Variants in ANO3 observed in about 807,000 individuals in gnomAD.
ANO3 encodes the protein anoctamin-3.
In ANO3, 99 loss-of-function variants were observed where a neutral mutation model predicts 144.8. The observed-to-expected ratio is 0.68, with a 90% CI of 0.58 to 0.81. The LOEUF is 0.81. Among genes scored for constraint, ANO3 ranks in the 30% least tolerant of loss-of-function variants. The pLI is 0.00. For synonymous variants in ANO3, 414 were observed against 392.6 expected (o/e 1.05, Z -0.64); for missense variants, 905 against 1,202.2 (o/e 0.75, Z 3.66).
intron 1 of ANO3, among the ~76,000 whole-genome samples, chr11:26,371,885 A>G (rs991349203): frequency 3.3e-5 from 5 of 152,150 alleles, no homozygotes; most frequent in Admixed American, 1.3e-4. Flanking sequence ...GCAGACTCAT[A>G]GGTGGAAGGG....
At chr11:26,477,096 A>G (rs979773548) in intron 4 of ANO3, among the ~76,000 whole-genome samples, 14 of 152,152 alleles carry the variant, frequency 9.2e-5, no homozygotes, top group Admixed American at 2.6e-4. Flanking sequence ...TGAATTTTCA[A>G]TTGATTCATT....
chr11:26,332,837 T>C (rs1172098986), intron 1 of ANO3, among the ~76,000 whole-genome samples: 1 of 152,134 alleles, frequency 6.6e-6, no homozygotes. Context: ...AATTTATTGT[T>C]TGCCCATGTC....
intron 11 of ANO3, among the ~76,000 whole-genome samples, chr11:26,544,302 G>A (rs380520): frequency 0.73 from 77,911 of 106,852 alleles, 28,317 homozygotes; most frequent in East Asian, 0.88. Flanking sequence ...ACACACATAT[G>A]TATATAAACC....
chr11:26,330,438 T>A (rs1049371080), upstream of ANO3, among the ~76,000 whole-genome samples: 1 of 152,200 alleles, frequency 6.6e-6, no homozygotes, highest in African/African-American at 2.4e-5. Context: ...TGTAACCAAG[T>A]ATTTCTTCAA....
chr11:26,526,828 G>C (rs1427796122), intron 7 of ANO3, among the ~76,000 whole-genome samples: 4 of 152,012 alleles, frequency 2.6e-5, no homozygotes, highest in Non-Finnish European at 5.9e-5. Context: ...TTTGGAATGA[G>C]CTCTCATTTC....
At chr11:26,300,947 G>T (rs112988601) in intron 1 of ANO3, among the ~76,000 whole-genome samples, 3,031 of 131,014 alleles carry the variant, frequency 0.023, 305 homozygotes, top group African/African-American at 0.095. Flanking sequence ...TCTGCCTCCT[G>T]GGCTCAAGCG....
intron 1 of ANO3, among the ~76,000 whole-genome samples, chr11:26,194,452 G>GTGTATA (rs752698297): frequency 2.0e-5 from 3 of 147,576 alleles, no homozygotes; most frequent in South Asian, 4.3e-4. Context: ...GTGTGTGTGT[G>GTGTATA]TGTGTGTGTG....
At chr11:26,650,084 A>G (rs1853480688) in intron 24 of ANO3, among the ~76,000 whole-genome samples, 1 of 152,028 alleles carries the variant, frequency 6.6e-6, no homozygotes, top group South Asian at 2.1e-4. Flanking sequence ...TCGGTTAGGA[A>G]TATAGACTAA....
intron 1 of ANO3, among the ~76,000 whole-genome samples, chr11:26,258,318 C>T (rs891535858): frequency 1.4e-4 from 22 of 152,118 alleles, no homozygotes; most frequent in African/African-American, 4.3e-4. Flanking sequence ...GTATTATAAT[C>T]GTATTCACAA....
chr11:26,412,634 A>G (rs1857462509), intron 1 of ANO3, among the ~76,000 whole-genome samples: 2 of 152,144 alleles, frequency 1.3e-5, no homozygotes, highest in South Asian at 4.1e-4. Context: ...AGGAAATGAG[A>G]AATCATCTGT....
At chr11:26,371,449 C>A (rs1374509158) in intron 1 of ANO3, among the ~76,000 whole-genome samples, 1 of 152,220 alleles carries the variant, frequency 6.6e-6, no homozygotes, top group Admixed American at 6.5e-5. Flanking sequence ...GAAGCCCCCA[C>A]ACAGAGTCCC....
At chr11:26,608,398 T>C (rs1408228253) in intron 17 of ANO3, among the ~76,000 whole-genome samples, 1 of 152,146 alleles carries the variant, frequency 6.6e-6, no homozygotes, top group Non-Finnish European at 1.5e-5. Context: ...CAACCCCTGC[T>C]GGAGGGTCTC....
rs1439561011 is a variant in ANO3, at chr11:26,453,050, G to GAGATTTT, written c.313+9214_313+9215insAGATTTT. Among the ~76,000 whole-genome samples the GAGATTTT allele has an allele frequency of 6.0e-4, 91 of 151,818 alleles. No homozygotes were observed. The East Asian group carries it at 6.4e-3, about 11-fold the overall frequency. On this transcript the variant is annotated intron_variant, in intron 3 of 26. Coordinates refer to ENST00000256737, the MANE Select transcript of ANO3 (RefSeq NM_031418.4). ...ATGCTGAGAGATTTTGTCACCACCA[G>GAGATTTT]GCCTGCCCTAAAAGAGCTCCTGAAG...
chr11:26,615,415 T>TATA (rs1491318574), intron 17 of ANO3, among the ~76,000 whole-genome samples: 3 of 55,506 alleles, frequency 5.4e-5, no homozygotes, highest in African/African-American at 2.3e-4. Flanking sequence ...TATATATATA[T>TATA]TTTTTTTTTT....
chr11:26,552,072 C>A (rs921578526), intron 12 of ANO3, among the ~76,000 whole-genome samples: 1 of 152,056 alleles, frequency 6.6e-6, no homozygotes, highest in Non-Finnish European at 1.5e-5. Flanking sequence ...GTACCTCTAG[C>A]TAGCTCTATA....
chr11:26,460,279 A>G (rs1240211804), intron 3 of ANO3: 1 of 294,178 alleles, frequency 3.4e-6, no homozygotes, highest in East Asian at 1.0e-4. Flanking sequence ...TTGCTTTCCA[A>G]CTTTTAGGTT....
chr11:26,315,092 G>T (rs914150791), intron 1 of ANO3, among the ~76,000 whole-genome samples: 1 of 136,686 alleles, frequency 7.3e-6, no homozygotes, highest in Non-Finnish European at 1.7e-5. Context: ...TCTATATTAT[G>T]TATATTCTCA....
At chr11:26,569,246 G>A (rs941823402) in intron 14 of ANO3, among the ~76,000 whole-genome samples, 4 of 152,044 alleles carry the variant, frequency 2.6e-5, no homozygotes, top group Non-Finnish European at 4.4e-5. Flanking sequence ...ACCCCCAAAC[G>A]TGCGAAGCAC....
At chr11:26,221,279 G>A (rs1017076706) in intron 1 of ANO3, among the ~76,000 whole-genome samples, 1 of 152,226 alleles carries the variant, frequency 6.6e-6, no homozygotes, top group African/African-American at 2.4e-5. Context: ...GCAAAGGCCA[G>A]ATCTTCACTC....
Sources: gnomAD v4.1 joint callset for allele counts (sites outside exome capture counted in the v4.1 genomes callset) on GRCh38, gnomAD v4.1.1 for gene constraint, MANE v1.5 for transcripts, NCBI Gene and HGNC (gene_info 2026-07-23, HGNC 2026-07-21) for gene names.